The following VGLL4 variants were observed in gnomAD, a reference collection of about 807,000 sequenced individuals.
VGLL4 encodes vestigial like family member 4, also known as transcription cofactor vestigial-like protein 4.
In VGLL4, 7 loss-of-function variants were observed where a neutral mutation model predicts 21.0. The ratio of observed to expected loss-of-function variants is 0.33; its 90% CI spans 0.19 to 0.63. The LOEUF is 0.63. Among genes scored for constraint, VGLL4 ranks in the 20% least tolerant of loss-of-function variants. The probability of loss-of-function intolerance (pLI) is 0.78; values close to 1 mark genes in which losing one functional copy is unlikely to be tolerated. For synonymous variants in VGLL4, 222 were observed against 173.2 expected, an observed-to-expected ratio of 1.28 and a Z score of -2.21; for missense variants, 394 against 425.7, an observed-to-expected ratio of 0.93 and a Z score of 0.66.
chr3:11,582,183 C>CTG (rs531076459), intron 2 of VGLL4: 1,047 of 1,348,256 alleles, frequency 7.8e-4, no homozygotes, highest in Non-Finnish European at 1.0e-3. Flanking sequence ...CCAGCACTTG[C>CTG]TGTCTCGCAG....
chr3:11,664,233 G>A (rs1357694839), intron 2 of VGLL4, among the ~76,000 whole-genome samples: 1 of 152,100 alleles, frequency 6.6e-6, no homozygotes, highest in Non-Finnish European at 1.5e-5. Flanking sequence ...TCAAGAGTCC[G>A]TCTCAAAAAG....
chr3:11,622,004 C>T (rs57604802), intron 1 of VGLL4, among the ~76,000 whole-genome samples: 3,206 of 151,854 alleles, frequency 0.021, 101 homozygotes, highest in African/African-American at 0.072. Flanking sequence ...TGCCTTTGTA[C>T]TGTTGAGATG....
intron 1 of VGLL4, among the ~76,000 whole-genome samples, chr3:11,641,295 A>C (rs956531745): frequency 1.3e-5 from 2 of 152,194 alleles, no homozygotes; most frequent in South Asian, 4.1e-4. Context: ...AAGGGGCATG[A>C]AACTTGACTG....
At chr3:11,713,530 T>C (rs2076877291) in intron 1 of VGLL4, among the ~76,000 whole-genome samples, 1 of 147,732 alleles carries the variant, frequency 6.8e-6, no homozygotes, top group South Asian at 2.1e-4. Context: ...CTTCATGTTC[T>C]ATATCTACCT....
chr3:11,691,949 G>A (rs2125393507), intron 2 of VGLL4, among the ~76,000 whole-genome samples: 1 of 130,720 alleles, frequency 7.6e-6, no homozygotes, highest in African/African-American at 2.8e-5. Context: ...AGTGGAGAGA[G>A]AAGAGATGAT....
intron 2 of VGLL4, among the ~76,000 whole-genome samples, chr3:11,566,689 CCGTCCTGCG>C (rs2073547640): frequency 6.6e-6 from 1 of 152,196 alleles, no homozygotes; most frequent in East Asian, 1.9e-4. Context: ...TCCCTCCTCC[CCGTCCTGCG>C]CTGCCAACCA....
chr3:11,605,363 C>A (rs531237677), intron 1 of VGLL4, among the ~76,000 whole-genome samples: 14 of 147,700 alleles, frequency 9.5e-5, no homozygotes, highest in African/African-American at 3.5e-4. Flanking sequence ...GCATGTTGGC[C>A]CATCCTCACC....
At chr3:11,607,958 G>T (rs2074982020) in intron 1 of VGLL4, among the ~76,000 whole-genome samples, 1 of 152,144 alleles carries the variant, frequency 6.6e-6, no homozygotes, top group Admixed American at 6.5e-5. Context: ...GCTGTGCAAA[G>T]TACTGTCACA....
At chr3:11,593,538 T>G (rs945978941) in intron 2 of VGLL4, among the ~76,000 whole-genome samples, 1 of 151,832 alleles carries the variant, frequency 6.6e-6, no homozygotes, top group African/African-American at 2.4e-5. Context: ...TATTCACCCC[T>G]ATGGTGAGAA....
At chr3:11,681,689 A>G (rs2076373325) in intron 2 of VGLL4, among the ~76,000 whole-genome samples, 2 of 152,254 alleles carry the variant, frequency 1.3e-5, no homozygotes, top group South Asian at 2.1e-4. Context: ...ATAATTTGTA[A>G]TATCTTTTTA....
At chr3:11,602,223 G>A (rs1559892817) in intron 1 of VGLL4, among the ~76,000 whole-genome samples, 1 of 152,194 alleles carries the variant, frequency 6.6e-6, no homozygotes, top group South Asian at 2.1e-4. Context: ...TTACATCAAC[G>A]TGGTTTTCTA....
At chr3:11,643,290 G>GCCGAA in intron 1 of VGLL4, 147 bp downstream of exon 1, 1 of 1,237,886 alleles carries the variant, frequency 8.1e-7, no homozygotes, top group African/African-American at 1.5e-5. Flanking sequence ...CACACTCGGT[G>GCCGAA]CCGAACCGAA....
Position 11,568,784 on chromosome 3 carries a change from G to C in VGLL4, c.273-3765C>G, listed in dbSNP as rs933468372. On this transcript the variant is annotated intron_variant, in intron 2 of 4. Transcript: ENST00000430365. The surrounding 1 kb of genome is among the most constrained non-coding windows in gnomAD (Gnocchi z 5.9). ...GGAAGTCGCCTCCGCTCCTGGTCAG[G>C]ACTGTGCCCGAGAGAGCCCACGGCA... The C allele has an allele frequency of 6.8e-7, 1 of 1,469,726 alleles. No homozygotes were observed. The highest frequency in any genetic ancestry group is 1.4e-5 in the African/African-American group (1 of 70,764). 91.0% of individuals were successfully genotyped at this position (1,469,726 alleles called of 1,614,324 possible).
chr3:11,638,091 A>G lies in VGLL4; in HGVS notation c.82+5346T>C, dbSNP rs73814963. Among the ~76,000 whole-genome samples the G allele has an allele frequency of 2.2e-3, 342 of 152,294 alleles. 1 individual carries two copies. The highest frequency in any genetic ancestry group is 7.9e-3 in the African/African-American group (327 of 41,564). On this transcript the variant is annotated intron_variant, in intron 1 of 4. Transcript: ENST00000430365. ...CTGGATCTAATTTCTTCCTGAAAAAATCCAGTTTTCTGCAACATCCTCACA... is the reference window on the plus strand; with the variant it reads ...CTGGATCTAATTTCTTCCTGAAAAAGTCCAGTTTTCTGCAACATCCTCACA...
chr3:11,681,912 G>A (rs1285236880), intron 2 of VGLL4, among the ~76,000 whole-genome samples: 8 of 152,196 alleles, frequency 5.3e-5, no homozygotes, highest in Admixed American at 2.6e-4. Flanking sequence ...GACAAAGGCC[G>A]GGTGTGGCCA....
rs147425984 is a variant in VGLL4, at chr3:11,584,587, T to C, written c.272+17246A>G. 3.1e-3 allele frequency among the ~76,000 whole-genome samples: 474 copies of C among 152,070 alleles called. 2 individuals carry two copies. The highest frequency in any genetic ancestry group is 0.011 in the African/African-American group (457 of 41,464). ...CCACTTCTATAAAAGTGGGAATATA[T>C]GAGATGGGAGGAAGGATGGAGATAT... is the stretch of plus-strand genomic sequence containing the variant. On this transcript the variant is annotated intron_variant, in intron 2 of 4. Transcript: ENST00000430365.
chr3:11,568,899 C>T lies in VGLL4; in HGVS notation c.273-3880G>A, dbSNP rs2073660914. The T allele has an allele frequency of 7.6e-7, 1 of 1,310,416 alleles. No individual in the cohort carries two copies. Among genetic ancestry groups the T allele is most frequent in the Admixed American group, 3.6e-5 (1 of 28,152 alleles). The allele number at this position is 1,310,416 out of a possible 1,614,324, so 81.2% of individuals were successfully genotyped here. ...GCACGGCACCCGGCCCCGCCCCGGGCCTCATCCCCATCCTAGGCGGGCACT... is the reference window on the plus strand; with the variant it reads ...GCACGGCACCCGGCCCCGCCCCGGGTCTCATCCCCATCCTAGGCGGGCACT... On this transcript the variant is annotated intron_variant, in intron 2 of 4. Transcript: ENST00000430365. The surrounding 1 kb of genome is among the most constrained non-coding windows in gnomAD (Gnocchi z 5.9).
chr3:11,568,974 AAG>A lies in VGLL4; in HGVS notation c.273-3957_273-3956del. 2 of 1,162,038 alleles carry A rather than the reference AAG, an allele frequency of 1.7e-6. No individual in the cohort carries two copies. The highest frequency in any genetic ancestry group is 1.6e-5 in the African/African-American group (1 of 62,864). 72.0% of individuals were successfully genotyped at this position (1,162,038 alleles called of 1,614,324 possible). A position where few individuals can be genotyped will look rare whatever the true frequency, so the allele number is the denominator to read the frequency against. ...GAAAGATGGAAAGAGGAGGGAGGGA[AAG>A]AGAGGCCTACAACACCATCATCCAG... On this transcript the variant is annotated intron_variant, in intron 2 of 4. Coordinates refer to ENST00000430365, the MANE Select transcript of VGLL4 (RefSeq NM_001128219.3). The surrounding 1 kb of genome is among the most constrained non-coding windows in gnomAD (Gnocchi z 5.9).
At chr3:11,615,792 C>T (rs532790917) in intron 1 of VGLL4, among the ~76,000 whole-genome samples, 2 of 152,242 alleles carry the variant, frequency 1.3e-5, no homozygotes, top group South Asian at 4.2e-4. Context: ...ACTGGGGACA[C>T]ATTTTCATAC....
Sources: allele counts gnomAD v4.1 joint callset (sites outside exome capture counted in the v4.1 genomes callset), GRCh38; gene constraint gnomAD v4.1.1; non-coding constraint Gnocchi (gnomAD v3.1); transcripts MANE v1.5; gene names NCBI Gene and HGNC (gene_info 2026-07-23, HGNC 2026-07-21).